Variants in MRRF observed in about 807,000 individuals in gnomAD.
MRRF encodes the protein ribosome-recycling factor, mitochondrial.
In MRRF, 18 loss-of-function variants were observed where a neutral mutation model predicts 25.1. That is an observed-to-expected ratio of 0.72 (90% CI 0.50 to 1.06). MRRF has a LOEUF of 1.06. MRRF is among the 50% of genes least tolerant of loss of function. MRRF has a pLI of 0.00. For synonymous variants in MRRF, 113 were observed against 112.1 expected (o/e 1.01, Z -0.05); for missense variants, 323 against 319.3 (o/e 1.01, Z -0.09).
intron 5 of MRRF, among the ~76,000 whole-genome samples, chr9:122,301,546 T>G (rs1403728447): frequency 6.6e-6 from 1 of 152,116 alleles, no homozygotes; most frequent in Non-Finnish European, 1.5e-5. Flanking sequence ...TGGGAGAAGC[T>G]CCTGTGAAGG....
intron 2 of MRRF, among the ~76,000 whole-genome samples, chr9:122,275,330 T>A (rs1188127666): frequency 2.0e-5 from 3 of 152,154 alleles, no homozygotes; most frequent in Admixed American, 2.0e-4. Flanking sequence ...TGTATTCATC[T>A]TTTTTGTAGA....
Position 122,324,607 on chromosome 9 carries a change from G to A in MRRF, c.*1990G>A, listed in dbSNP as rs1836066729. 1 of 152,240 alleles carries A rather than the reference G, an allele frequency of 6.6e-6. No homozygotes were observed. The highest frequency in any genetic ancestry group is 1.9e-4 in the East Asian group (1 of 5,204). The allele number at this position is 152,240 out of a possible 1,614,324, so 9.4% of individuals were successfully genotyped here. A position where few individuals can be genotyped will look rare whatever the true frequency, so the allele number is the denominator to read the frequency against. On this transcript the variant is annotated 3_prime_UTR_variant, in exon 7 of 7. Transcript: ENST00000344641. The stretch of plus-strand genomic sequence containing the variant: ...CTATAATAATCTATTGGGTGGAAAA[G>A]TAGGAAGTTCATTCCAGTTCTGCAA...
Position 122,285,794 on chromosome 9 carries a change from A to G in MRRF, c.459+507A>G, listed in dbSNP as rs757702174. The G allele has an allele frequency of 3.1e-6, 4 of 1,278,810 alleles. No homozygotes were observed. The South Asian group carries it at 5.3e-5, about 17-fold the overall frequency. 79.2% of individuals were successfully genotyped at this position (1,278,810 alleles called of 1,614,324 possible). On this transcript the variant is annotated intron_variant, in intron 4 of 6. Coordinates refer to ENST00000344641, the MANE Select transcript of MRRF (RefSeq NM_138777.5). ...TTTTTTTAAAGACTATGAAGCAAAT[A>G]AAACAATACTTTAATGGGCCAAATG...
chr9:122,313,255 G>T lies in MRRF; in HGVS notation c.580G>T (p.Val194Leu). The T allele has an allele frequency of 6.2e-7, 1 of 1,614,050 alleles. No individual in the cohort carries two copies. The highest frequency in any genetic ancestry group is 8.5e-7 in the Non-Finnish European group (1 of 1,179,954). Reference sequence around the variant, plus strand: ...AACCAGAGAGCACAGAGAAATGCTGGTGAAACTGGCCAAACAGAACACCAA... The same window carrying T: ...AACCAGAGAGCACAGAGAAATGCTGTTGAAACTGGCCAAACAGAACACCAA... ...QVTREHREML[V>L]KLAKQNTNKA... Residue 194 changes from valine to leucine, a missense_variant, in exon 6 of 7, where the codon GTG becomes TTG. Physicochemically the swap from Val to Leu is conservative, Grantham distance 32. Coordinates refer to ENST00000344641, the MANE Select transcript of MRRF (RefSeq NM_138777.5).
intron 5 of MRRF, among the ~76,000 whole-genome samples, chr9:122,300,207 T>C (rs570122554): frequency 1.3e-5 from 2 of 152,190 alleles, no homozygotes; most frequent in Non-Finnish European, 2.9e-5. Flanking sequence ...TGTGTGGTCA[T>C]TGACTGGGAG....
At chr9:122,308,473 C>G (rs1403058611) in intron 5 of MRRF, among the ~76,000 whole-genome samples, 5 of 149,352 alleles carry the variant, frequency 3.3e-5, no homozygotes, top group Non-Finnish European at 7.4e-5. Context: ...CCGAGGCAGG[C>G]AGATCACTTA....
chr9:122,278,402 T>C (rs1451935791), intron 2 of MRRF, among the ~76,000 whole-genome samples: 1 of 152,218 alleles, frequency 6.6e-6, no homozygotes. Flanking sequence ...ATAACTATTA[T>C]TCTGACTTCT....
intron 2 of MRRF, among the ~76,000 whole-genome samples, chr9:122,279,200 C>T (rs1832954841): frequency 6.6e-6 from 1 of 152,136 alleles, no homozygotes; most frequent in African/African-American, 2.4e-5. Flanking sequence ...TGAAAAAAAA[C>T]CTAAGCCATT....
At chr9:122,266,052 TCTGGTTTACC>T (rs1832061745) in intron 1 of MRRF, among the ~76,000 whole-genome samples, 2 of 152,224 alleles carry the variant, frequency 1.3e-5, no homozygotes, top group African/African-American at 4.8e-5. Flanking sequence ...CCCATCCGAT[TCTGGTTTACC>T]CTGGATAAGG....
At chr9:122,286,189 A>C (rs1564485174) in intron 4 of MRRF, 1 of 1,288,338 alleles carries the variant, frequency 7.8e-7, no homozygotes, top group Non-Finnish European at 1.0e-6. Context: ...TCCTGTTCTT[A>C]TTGTCTATTT....
intron 6 of MRRF, among the ~76,000 whole-genome samples, chr9:122,319,874 ATTTTTTT>A (rs975991164): frequency 7.7e-6 from 1 of 129,990 alleles, no homozygotes; most frequent in Admixed American, 7.7e-5. Context: ...ATTTTCATTA[ATTTTTTT>A]TTTTTTTTTT....
intron 6 of MRRF, among the ~76,000 whole-genome samples, chr9:122,315,901 T>G (rs1490418305): frequency 6.6e-6 from 1 of 152,212 alleles, no homozygotes; most frequent in Non-Finnish European, 1.5e-5. Context: ...GACAAAGACC[T>G]TGCTGGAAGC....
intron 6 of MRRF, among the ~76,000 whole-genome samples, chr9:122,315,072 C>T (rs1191743202): frequency 6.7e-6 from 1 of 149,424 alleles, no homozygotes. Flanking sequence ...GTAGGACAGC[C>T]ACAACAGTCA....
chr9:122,305,733 C>T (rs564189287), intron 5 of MRRF, among the ~76,000 whole-genome samples: 1 of 152,292 alleles, frequency 6.6e-6, no homozygotes, highest in Admixed American at 6.5e-5. Context: ...TCTTCATACA[C>T]TTTGTGTCAC....
chr9:122,317,154 A>C (rs1835585142), intron 6 of MRRF, among the ~76,000 whole-genome samples: 1 of 151,592 alleles, frequency 6.6e-6, no homozygotes, highest in Non-Finnish European at 1.5e-5. Context: ...TACTGTACAG[A>C]GGGATTGCAT....
intron 4 of MRRF, among the ~76,000 whole-genome samples, chr9:122,288,983 G>A (rs563230231): frequency 3.9e-5 from 6 of 152,204 alleles, no homozygotes; most frequent in Admixed American, 3.3e-4. Context: ...CATCCTTTCC[G>A]TGAAGGGATG....
chr9:122,280,299 G>A, intron 2 of MRRF, 144 bp from the exon 3 acceptor site: 3 of 858,136 alleles, frequency 3.5e-6, no homozygotes, highest in Non-Finnish European at 3.8e-6. Context: ...GTTAATATAG[G>A]CTCTTTTTTA....
At chr9:122,289,481 G>A (rs574681350) in intron 4 of MRRF, among the ~76,000 whole-genome samples, 1 of 152,016 alleles carries the variant, frequency 6.6e-6, no homozygotes, top group Non-Finnish European at 1.5e-5. Flanking sequence ...GTGATGGGGT[G>A]TTACAGTAGT....
intron 3 of MRRF, among the ~76,000 whole-genome samples, chr9:122,281,373 C>T (rs1833084817): frequency 6.6e-6 from 1 of 152,222 alleles, no homozygotes; most frequent in Non-Finnish European, 1.5e-5. Flanking sequence ...GCTGCTTCTA[C>T]TCACATCTTG....
Sources: gnomAD v4.1 joint callset for allele counts (sites outside exome capture counted in the v4.1 genomes callset) on GRCh38, gnomAD v4.1.1 for gene constraint, MANE v1.5 for transcripts, NCBI Gene and HGNC (gene_info 2026-07-23, HGNC 2026-07-21) for gene names.